Variants in IL18R1 observed in about 807,000 individuals in gnomAD.
The protein encoded by IL18R1 is interleukin 18 receptor 1.
In IL18R1, 40 loss-of-function variants were observed where a neutral mutation model predicts 48.5. The ratio of observed to expected loss-of-function variants is 0.82; its 90% CI spans 0.64 to 1.07. The LOEUF is 1.07. Ranked by LOEUF, IL18R1 falls within the 50% of genes least tolerant of loss-of-function variation. The probability of loss-of-function intolerance (pLI) is 0.00; values close to 1 mark genes in which losing one functional copy is unlikely to be tolerated. For missense variants in IL18R1, 596 were observed against 633.7 expected (o/e 0.94, Z 0.64); for synonymous variants, 232 against 225.9 (o/e 1.03, Z -0.24).
chr2:102,398,115 G>A lies in IL18R1; in HGVS notation c.*1229G>A. The A allele has an allele frequency of 6.6e-6, 1 of 152,352 alleles. No homozygotes were observed. Among genetic ancestry groups the A allele is most frequent in the East Asian group, 1.9e-4 (1 of 5,336 alleles). 9.4% of individuals were successfully genotyped at this position (152,352 alleles called of 1,614,324 possible). ...GGAAGCAGATCTAGGGAGGAAGGCA[G>A]TTTTGATTTGAGGAGGTTTGCACAT... On this transcript the variant is annotated 3_prime_UTR_variant, in exon 11 of 11. Coordinates refer to ENST00000233957, the MANE Select transcript of IL18R1 (RefSeq NM_003855.5).
Position 102,386,874 on chromosome 2 carries a change from A to T in IL18R1, c.823A>T (p.Lys275Ter). ...GCCCTCTTACAGGACTCCAGAAGGC[A>T]AATGGCATGCTTCAAAAGTATTGAG... The part of the protein sequence containing the change: ...KEMRIMTPEG[K>*]WHASKVLRIE... Residue 275 changes from lysine to a stop codon, truncating the protein, a stop_gained, in exon 8 of 11, where the codon AAA (lysine) becomes TAA (stop). Coordinates refer to ENST00000233957, the MANE Select transcript of IL18R1 (RefSeq NM_003855.5). LOFTEE classifies it high-confidence loss of function. 1 of 1,614,228 alleles carries T rather than the reference A, an allele frequency of 6.2e-7. No homozygotes were observed. The highest frequency in any genetic ancestry group is 1.1e-5 in the South Asian group (1 of 91,082).
At chr2:102,366,355 T>C (rs1042944172) in intron 2 of IL18R1, among the ~76,000 whole-genome samples, 12 of 152,204 alleles carry the variant, frequency 7.9e-5, no homozygotes, top group African/African-American at 2.4e-4. Context: ...AAGTTCCTCA[T>C]CTCCATCTGA....
chr2:102,358,062 A>C (rs1678357538), intron 1 of IL18R1, among the ~76,000 whole-genome samples: 1 of 152,070 alleles, frequency 6.6e-6, no homozygotes, highest in African/African-American at 2.4e-5. Flanking sequence ...GAGTTGCTCG[A>C]TTGTATGTGT....
intron 5 of IL18R1, among the ~76,000 whole-genome samples, chr2:102,380,349 T>C (rs1679846944): frequency 6.6e-6 from 1 of 152,192 alleles, no homozygotes; most frequent in African/African-American, 2.4e-5. Context: ...AAGTCTCCCA[T>C]GTAAGTTTCT....
intron 1 of IL18R1, among the ~76,000 whole-genome samples, chr2:102,357,366 C>T (rs1258592257): frequency 6.6e-6 from 1 of 151,970 alleles, no homozygotes; most frequent in African/African-American, 2.4e-5. Flanking sequence ...TGGCATGCAT[C>T]TGTAATCCCA....
chr2:102,369,873 A>C (rs1446249103), intron 3 of IL18R1, among the ~76,000 whole-genome samples: 4 of 152,244 alleles, frequency 2.6e-5, no homozygotes, highest in African/African-American at 9.6e-5. Context: ...CCAAATTTTA[A>C]GAACGAAATC....
chr2:102,390,949 A>AAAAAAAAG, intron 9 of IL18R1, among the ~76,000 whole-genome samples: 1 of 150,864 alleles, frequency 6.6e-6, no homozygotes, highest in Non-Finnish European at 1.5e-5. Context: ...AAAAAAAAAA[A>AAAAAAAAG]AGAGAGAGAA....
intron 2 of IL18R1, among the ~76,000 whole-genome samples, chr2:102,367,245 T>G (rs1157137334): frequency 1.3e-5 from 2 of 152,216 alleles, no homozygotes; most frequent in Non-Finnish European, 2.9e-5. Flanking sequence ...TTCTTGATTA[T>G]CCACATGGTG....
intron 8 of IL18R1, 54 bp from the exon 9 acceptor site, chr2:102,390,002 A>G (rs1231556441): frequency 9.5e-6 from 15 of 1,581,274 alleles, no homozygotes; most frequent in East Asian, 4.5e-5. Context: ...ATGATGGACA[A>G]CACTGGTAAG....
Position 102,368,801 on chromosome 2 carries a change from A to T in IL18R1, c.302+733A>T, listed in dbSNP as rs949752978. Among the ~76,000 whole-genome samples, 8 of 152,224 alleles carry T rather than the reference A, an allele frequency of 5.3e-5. No individual in the cohort carries two copies. The East Asian group carries it at 1.2e-3, about 22-fold the overall frequency. On this transcript the variant is annotated intron_variant, in intron 3 of 10. Transcript: ENST00000233957. The stretch of plus-strand genomic sequence containing the variant: ...GTAGTTTTATAGAGACTTGAGACTG[A>T]CCTGTAAGAAATAGCTCAGGGCCAG...
intron 1 of IL18R1, among the ~76,000 whole-genome samples, chr2:102,361,076 C>T (rs36214165): frequency 6.6e-6 from 1 of 152,102 alleles, no homozygotes; most frequent in Non-Finnish European, 1.5e-5. Flanking sequence ...TTTGCTGAGC[C>T]ATCTCCTGAT....
intron 10 of IL18R1, among the ~76,000 whole-genome samples, chr2:102,394,962 C>T (rs1190210836): frequency 6.6e-6 from 1 of 152,170 alleles, no homozygotes; most frequent in Non-Finnish European, 1.5e-5. Context: ...ATCTGTACCA[C>T]AGCAGCAGTT....
intron 2 of IL18R1, among the ~76,000 whole-genome samples, chr2:102,364,878 A>T (rs185994857): frequency 6.6e-6 from 1 of 152,184 alleles, no homozygotes; most frequent in Non-Finnish European, 1.5e-5. Context: ...AAAGCCCCTT[A>T]TAAAAACATC....
chr2:102,385,087 C>T, intron 7 of IL18R1, 89 bp downstream of exon 7: 1 of 655,516 alleles, frequency 1.5e-6, no homozygotes, highest in Non-Finnish European at 2.4e-6. Context: ...CACTGGGTGG[C>T]TGATGTGTAT....
Position 102,384,862 on chromosome 2 carries a change from T to G in IL18R1, c.689-16T>G. The G allele has an allele frequency of 6.2e-7, 1 of 1,606,364 alleles. No homozygotes were observed. Among genetic ancestry groups the G allele is most frequent in the Non-Finnish European group, 8.5e-7 (1 of 1,176,946 alleles). On this transcript the variant is annotated splice_polypyrimidine_tract_variant and intron_variant, in intron 6 of 10. Transcript: ENST00000233957. The stretch of plus-strand genomic sequence containing the variant: ...GAGTTTCAAAAATCAGAACTTTAGT[T>G]GCCAACTTTTACCAGGAAAAAACGT...
chr2:102,394,679 A>G (rs940474980), intron 10 of IL18R1, 52 bp downstream of exon 10: 2 of 1,495,164 alleles, frequency 1.3e-6, no homozygotes, highest in Non-Finnish European at 1.8e-6. Context: ...CTTTTTAAAA[A>G]ATGAATGAGC....
At chr2:102,380,453 G>A (rs1041773640) in intron 5 of IL18R1, among the ~76,000 whole-genome samples, 5 of 152,082 alleles carry the variant, frequency 3.3e-5, no homozygotes, top group African/African-American at 7.2e-5. Context: ...AATTCAAGCC[G>A]GTGTTGCTTC....
intron 9 of IL18R1, among the ~76,000 whole-genome samples, chr2:102,392,814 C>T (rs1166605883): frequency 6.6e-6 from 1 of 151,970 alleles, no homozygotes; most frequent in Non-Finnish European, 1.5e-5. Context: ...TATAATTTTC[C>T]TTTATGTTTG....
At chr2:102,374,100 G>A (rs183635173) in intron 4 of IL18R1, 15 of 211,844 alleles carry the variant, frequency 7.1e-5, no homozygotes, top group Admixed American at 2.1e-4. Flanking sequence ...ACCATTCCCC[G>A]CTCAACCCCT....
Sources: gnomAD v4.1 joint callset for allele counts (sites outside exome capture counted in the v4.1 genomes callset) on GRCh38, gnomAD v4.1.1 for gene constraint, MANE v1.5 for transcripts, NCBI Gene and HGNC (gene_info 2026-07-23, HGNC 2026-07-21) for gene names.